Variants in HTR2A observed in about 807,000 individuals in gnomAD.
HTR2A encodes the protein 5-hydroxytryptamine receptor 2A.
Under a neutral mutation model 31.0 loss-of-function variants are expected in HTR2A, and 14 were observed. The ratio of observed to expected loss-of-function variants is 0.45; its 90% CI spans 0.30 to 0.71. HTR2A has a LOEUF of 0.71. Ranked by LOEUF, HTR2A falls within the 30% of genes least tolerant of loss-of-function variation. The pLI, the probability that HTR2A is intolerant of heterozygous loss-of-function variation, is 0.09. For missense variants in HTR2A, 442 were observed against 573.3 expected (o/e 0.77, Z 2.34); for synonymous variants, 209 against 225.2 (o/e 0.93, Z 0.64).
chr13:46,876,470 C>T (rs1219193051), intron 3 of HTR2A, among the ~76,000 whole-genome samples: 3 of 134,084 alleles, frequency 2.2e-5, no homozygotes, highest in African/African-American at 8.3e-5. Flanking sequence ...AGTGCAGTGG[C>T]GCAATCTCAG....
intron 3 of HTR2A, among the ~76,000 whole-genome samples, chr13:46,870,011 C>T (rs1421928983): frequency 6.6e-6 from 1 of 152,038 alleles, no homozygotes; most frequent in Non-Finnish European, 1.5e-5. Context: ...GTAATTTATG[C>T]CACTAAATCA....
At chr13:46,853,301 T>C (rs1950703176) in intron 3 of HTR2A, among the ~76,000 whole-genome samples, 1 of 152,098 alleles carries the variant, frequency 6.6e-6, no homozygotes, top group South Asian at 2.1e-4. Flanking sequence ...CCTCCATCTG[T>C]CCACATCTTG....
At chr13:46,853,245 A>C (rs1267864307) in intron 3 of HTR2A, among the ~76,000 whole-genome samples, 1 of 152,096 alleles carries the variant, frequency 6.6e-6, no homozygotes, top group Non-Finnish European at 1.5e-5. Flanking sequence ...GGGAAGGTGG[A>C]CCTTAGGGCA....
intron 3 of HTR2A, among the ~76,000 whole-genome samples, chr13:46,883,215 TA>T (rs1950980714): frequency 6.6e-6 from 1 of 151,566 alleles, no homozygotes; most frequent in African/African-American, 2.4e-5. Flanking sequence ...CTGCACTGTC[TA>T]GGAAGGCAGC....
intron 3 of HTR2A, among the ~76,000 whole-genome samples, chr13:46,875,409 T>C (rs958651100): frequency 6.6e-6 from 1 of 152,206 alleles, no homozygotes; most frequent in Non-Finnish European, 1.5e-5. Context: ...CAGGCTAATA[T>C]AAATTGAGCA....
At chr13:46,839,700 T>C (rs1950584178) in intron 3 of HTR2A, among the ~76,000 whole-genome samples, 1 of 152,208 alleles carries the variant, frequency 6.6e-6, no homozygotes, top group Non-Finnish European at 1.5e-5. Context: ...ATCCTCTATG[T>C]AGCATTTTAT....
At position 46,881,958 on chromosome 13, in the gene HTR2A, C is replaced by A. The variant is rs147712635; in HGVS notation, c.613+10432G>T. 1.2e-3 allele frequency among the ~76,000 whole-genome samples: 184 copies of A among 152,070 alleles called. 2 individuals carry two copies. The highest frequency in any genetic ancestry group is 4.1e-3 in the African/African-American group (171 of 41,480). ...TATTTTGCTGTCATTCCTCTTGGACCTAAATGAGCATGCTATTTTTTCAAC... is the reference window on the plus strand; with the variant it reads ...TATTTTGCTGTCATTCCTCTTGGACATAAATGAGCATGCTATTTTTTCAAC... On this transcript the variant is annotated intron_variant, in intron 3 of 3. Coordinates refer to ENST00000542664, the MANE Select transcript of HTR2A (RefSeq NM_000621.5).
chr13:46,834,697 C>A lies in HTR2A; in HGVS notation c.*140G>T. 1.6e-6 allele frequency: 1 copy of A among 628,536 alleles called. No individual in the cohort carries two copies. Among genetic ancestry groups the A allele is most frequent in the Non-Finnish European group, 2.7e-6 (1 of 370,460 alleles). The allele number at this position is 628,536 out of a possible 1,614,324, so 38.9% of individuals were successfully genotyped here. ...AGCATTGAACCCCGCTTTTCATTGA[C>A]AGAATAAAATGAGGCATACAGATAT... On this transcript the variant is annotated 3_prime_UTR_variant, in exon 4 of 4. Transcript: ENST00000542664.
At chr13:46,888,114 T>C (rs1951023042) in intron 3 of HTR2A, among the ~76,000 whole-genome samples, 1 of 149,294 alleles carries the variant, frequency 6.7e-6, no homozygotes. Flanking sequence ...AGTGCTTGAG[T>C]TATAAAGAAC....
At chr13:46,851,508 G>A (rs1343601320) in intron 3 of HTR2A, among the ~76,000 whole-genome samples, 1 of 152,172 alleles carries the variant, frequency 6.6e-6, no homozygotes, top group Non-Finnish European at 1.5e-5. Context: ...GAATAAGTCA[G>A]ACCAAAAGAA....
Position 46,895,560 on chromosome 13 carries a change from A to G in HTR2A, c.347T>C (p.Leu116Pro). The G allele has an allele frequency of 6.2e-7, 1 of 1,614,206 alleles. No homozygotes were observed. The highest frequency in any genetic ancestry group is 8.5e-7 in the Non-Finnish European group (1 of 1,180,004). ...QNATNYFLMSLAIADMLLGFL... is the reference protein window; with the variant it reads ...QNATNYFLMSPAIADMLLGFL... ...ACCCAGCAGCATATCAGCTATGGCA[A>G]GTGACATCAGGAAATAGTTGGTGGC... is the stretch of plus-strand genomic sequence containing the variant. The change falls in exon 2 of 4, where the codon CTT (leucine) becomes CCT (proline). Residue 116 changes from leucine (L) to proline (P), a missense_variant. Transcript: ENST00000542664. The surrounding 1 kb of genome is among the most constrained non-coding windows in gnomAD (Gnocchi z 4.4).
At chr13:46,876,160 C>A (rs924586887) in intron 3 of HTR2A, among the ~76,000 whole-genome samples, 6 of 151,942 alleles carry the variant, frequency 3.9e-5, no homozygotes, top group African/African-American at 1.4e-4. Context: ...CCATATTATT[C>A]TATCTTCTTT....
chr13:46,875,652 C>T (rs1217601120), intron 3 of HTR2A, among the ~76,000 whole-genome samples: 2 of 152,136 alleles, frequency 1.3e-5, no homozygotes, highest in Admixed American at 6.5e-5. Context: ...AAAAATGCTG[C>T]CTTATGAAAT....
Position 46,874,512 on chromosome 13 carries a change from G to A in HTR2A, c.613+17878C>T, listed in dbSNP as rs138595804. ...AGTTCCTATTTATGGTTAAATATAT[G>A]TACACATATTTGTTTTCTCCCATGT... On this transcript the variant is annotated intron_variant, in intron 3 of 3. Transcript: ENST00000542664. 6.3e-4 allele frequency among the ~76,000 whole-genome samples: 96 copies of A among 152,096 alleles called. 3 individuals are homozygous for A. In the East Asian group the frequency reaches 0.017, roughly 27 times the overall value.
At position 46,877,380 on chromosome 13, in the gene HTR2A, A is replaced by G. The variant is rs1303908332; in HGVS notation, c.613+15010T>C. ...ACAGCTCTTTTTTTAAGCAGACCTT[A>G]CTAACTAGGCCTTCATAATTACAAC... On this transcript the variant is annotated intron_variant, in intron 3 of 3. Transcript: ENST00000542664. Among the ~76,000 whole-genome samples, 3 of 152,210 alleles carry G rather than the reference A, an allele frequency of 2.0e-5. No homozygotes were observed. In the East Asian group the frequency reaches 5.8e-4, roughly 29 times the overall value.
rs138155943 is a variant in HTR2A, at chr13:46,835,592, C to T, written c.661G>A (p.Val221Ile). 5.6e-6 allele frequency: 9 copies of T among 1,613,818 alleles called. No homozygotes were observed. Among genetic ancestry groups the T allele is most frequent in the Admixed American group, 1.7e-5 (1 of 59,978 alleles). ...PVFGLQDDSKVFKEGSCLLAD... is the reference protein window; with the variant it reads ...PVFGLQDDSKIFKEGSCLLAD... ...AGTAAGCAACTCCCCTCCTTAAAGA[C>T]CTTCGAATCGTCCTGTAGCCCAAAG... Residue 221 changes from valine (V) to isoleucine (I), a missense_variant, in exon 4 of 4, where the codon GTC becomes ATC. By Grantham distance (29) the Val-to-Ile change is conservative. This residue lies in a region of HTR2A where 174 missense variants were observed against 195.1 expected (regional missense o/e 0.89). Transcript: ENST00000542664.
At chr13:46,854,042 C>G (rs1050471644) in intron 3 of HTR2A, 3 of 152,110 alleles carry the variant, frequency 2.0e-5, no homozygotes, top group African/African-American at 7.2e-5. Flanking sequence ...AAAACTAGCC[C>G]AAGTGACTGA....
rs191565752 is a variant in HTR2A at position 46,883,525 on chromosome 13, G to A, written c.613+8865C>T. 1.1e-4 allele frequency among the ~76,000 whole-genome samples: 17 copies of A among 152,280 alleles called. No individual in the cohort carries two copies. The East Asian group carries it at 3.1e-3, about 28-fold the overall frequency. On this transcript the variant is annotated intron_variant, in intron 3 of 3. Transcript: ENST00000542664. The stretch of plus-strand genomic sequence containing the variant: ...TGGTTGCCTGTCAGAATACGGCAAT[G>A]TGAGAATAGTCATTTTCACCTTTTC...
Position 46,895,927 on chromosome 13 carries a change from C to T in HTR2A, c.-21G>A. ...TCCATGTCTAAGCCAGAACTTGTAG[C>T]AGATGAGGTGTAGAAGGACTAACAG... On this transcript the variant is annotated 5_prime_UTR_variant, in exon 2 of 4. Coordinates refer to ENST00000542664, the MANE Select transcript of HTR2A (RefSeq NM_000621.5). The surrounding 1 kb of genome is among the most constrained non-coding windows in gnomAD (Gnocchi z 4.4). 1 of 1,591,772 alleles carries T rather than the reference C, an allele frequency of 6.3e-7. No homozygotes were observed. Among genetic ancestry groups the T allele is most frequent in the Non-Finnish European group, 8.6e-7 (1 of 1,169,394 alleles).
Sources: gnomAD v4.1 joint callset for allele counts (sites outside exome capture counted in the v4.1 genomes callset) on GRCh38, gnomAD v4.1.1 for gene constraint, gnomAD v4.1.1 regional missense constraint, Gnocchi (gnomAD v3.1) non-coding constraint, MANE v1.5 for transcripts, NCBI Gene and HGNC (gene_info 2026-07-23, HGNC 2026-07-21) for gene names.